Variants in TAF2 observed in about 807,000 individuals in gnomAD.
TAF2 encodes transcription initiation factor TFIID subunit 2.
Under a neutral mutation model 138.5 loss-of-function variants are expected in TAF2, and 61 were observed. The observed-to-expected ratio is 0.44, with a 90% CI of 0.36 to 0.54. The LOEUF is 0.54. TAF2 is among the 20% of genes least tolerant of loss of function. The pLI is 0.00. For missense variants in TAF2, 1,090 were observed against 1,427.9 expected, an observed-to-expected ratio of 0.76 and a Z score of 3.81; for synonymous variants, 475 against 469.9, an observed-to-expected ratio of 1.01 and a Z score of -0.14.
chr8:119,818,920 A>G (rs1417899120), intron 3 of TAF2, among the ~76,000 whole-genome samples: 2 of 152,168 alleles, frequency 1.3e-5, no homozygotes, highest in African/African-American at 4.8e-5. Context: ...TGTTTATAAG[A>G]TAGTTTAATG....
At chr8:119,811,078 T>C (rs992862622) in intron 3 of TAF2, among the ~76,000 whole-genome samples, 2 of 152,180 alleles carry the variant, frequency 1.3e-5, no homozygotes, top group Non-Finnish European at 2.9e-5. Flanking sequence ...TAATAATGAC[T>C]ACAAAATATT....
intron 19 of TAF2, among the ~76,000 whole-genome samples, chr8:119,761,407 TA>T (rs1169133638): frequency 2.0e-5 from 3 of 152,188 alleles, no homozygotes; most frequent in Non-Finnish European, 4.4e-5. Context: ...GCCTAAAGAC[TA>T]ATTTCTCAGA....
intron 2 of TAF2, among the ~76,000 whole-genome samples, chr8:119,820,688 G>C (rs1269419947): frequency 3.3e-5 from 5 of 152,182 alleles, no homozygotes; most frequent in African/African-American, 1.2e-4. Context: ...TGCAAGAATT[G>C]TTTTTAGGTA....
chr8:119,812,739 GTGTGTGTGTGTGTATATA>G (rs1457596899), intron 3 of TAF2, among the ~76,000 whole-genome samples: 6 of 136,868 alleles, frequency 4.4e-5, no homozygotes, highest in East Asian at 2.0e-4. Context: ...GTGTGTGTGT[GTGTGTGTGTGTGTATATA>G]TGTGTGTATA....
intron 2 of TAF2, among the ~76,000 whole-genome samples, chr8:119,825,841 C>G (rs994723746): frequency 7.2e-6 from 1 of 139,116 alleles, no homozygotes; most frequent in Non-Finnish European, 1.5e-5. Context: ...CCCACCGCCA[C>G]GCCTGGCTAA....
intron 16 of TAF2, among the ~76,000 whole-genome samples, chr8:119,782,070 T>C (rs1013510356): frequency 3.3e-5 from 5 of 152,226 alleles, no homozygotes; most frequent in African/African-American, 4.8e-5. Flanking sequence ...AAAATATGTA[T>C]GCAAAAGACT....
In TAF2 at chr8:119,760,640, AT is replaced by A; in HGVS notation, c.2656del (p.Ile886LeufsTer3). The A allele has an allele frequency of 6.2e-7, 1 of 1,613,914 alleles. No individual in the cohort carries two copies. Among genetic ancestry groups the A allele is most frequent in the East Asian group, 2.2e-5 (1 of 44,852 alleles). ...SYAEYGHFVD[I>X]RIAALEAVVD... ...AACTGCTTCCAAAGCTGCTATCCTA[AT>A]GTCCACAAAGTGGCCATATTCAGCA... On this transcript the variant is annotated frameshift_variant, in exon 20 of 26. Transcript: ENST00000378164. LOFTEE classifies it high-confidence loss of function.
At chr8:119,790,973 A>T (rs541116191) in intron 11 of TAF2, among the ~76,000 whole-genome samples, 3 of 138,154 alleles carry the variant, frequency 2.2e-5, no homozygotes, top group African/African-American at 5.0e-5. Flanking sequence ...AGTAATAAAA[A>T]TTTTTTTGAG....
At chr8:119,822,755 C>A (rs1340232855) in intron 2 of TAF2, among the ~76,000 whole-genome samples, 1 of 152,134 alleles carries the variant, frequency 6.6e-6, no homozygotes, top group South Asian at 2.1e-4. Context: ...CTCCTCACCC[C>A]TCTCATTACT....
At chr8:119,762,288 G>A (rs1821116721) in intron 19 of TAF2, 127 bp downstream of exon 19, 1 of 871,596 alleles carries the variant, frequency 1.1e-6, no homozygotes, top group Non-Finnish European at 1.8e-6. Flanking sequence ...TCTGTGGGTG[G>A]TAGAATCATA....
intron 10 of TAF2, among the ~76,000 whole-genome samples, chr8:119,793,102 A>C (rs1271312969): frequency 6.6e-6 from 1 of 152,154 alleles, no homozygotes; most frequent in East Asian, 1.9e-4. Flanking sequence ...CCATTTAAAA[A>C]AAATTAAAAA....
intron 25 of TAF2, among the ~76,000 whole-genome samples, chr8:119,737,471 T>G (rs751289811): frequency 1.3e-5 from 2 of 151,710 alleles, no homozygotes; most frequent in Non-Finnish European, 2.9e-5. Flanking sequence ...TCTGACTACT[T>G]TACAGTTCTC....
intron 25 of TAF2, among the ~76,000 whole-genome samples, chr8:119,740,792 T>C (rs1303251669): frequency 6.6e-6 from 1 of 151,890 alleles, no homozygotes; most frequent in Non-Finnish European, 1.5e-5. Context: ...ATTTGTAAAA[T>C]GAAGGTTTTC....
intron 19 of TAF2, 131 bp downstream of exon 19, chr8:119,762,284 G>A: frequency 2.4e-6 from 2 of 817,476 alleles, no homozygotes; most frequent in Non-Finnish European, 3.8e-6. Context: ...TTTATCTGTG[G>A]GTGGTAGAAT....
At chr8:119,781,018 T>C (rs1468997400) in intron 17 of TAF2, 35 bp downstream of exon 17, 1 of 1,593,880 alleles carries the variant, frequency 6.3e-7, no homozygotes, top group Admixed American at 1.7e-5. Flanking sequence ...CTGAAATATA[T>C]AAAAACCATG....
intron 25 of TAF2, among the ~76,000 whole-genome samples, chr8:119,738,649 GC>G (rs1819391617): frequency 6.6e-6 from 1 of 152,092 alleles, no homozygotes; most frequent in African/African-American, 2.4e-5. Context: ...CAAACAAAAT[GC>G]ACCATGGATA....
chr8:119,828,592 C>T (rs952394784), intron 2 of TAF2, among the ~76,000 whole-genome samples: 3 of 152,114 alleles, frequency 2.0e-5, no homozygotes, highest in Non-Finnish European at 4.4e-5. Context: ...GAAATGTCAG[C>T]AGAAGGAAAA....
intron 3 of TAF2, among the ~76,000 whole-genome samples, chr8:119,816,050 CT>C (rs770573593): frequency 2.4e-3 from 315 of 133,898 alleles, no homozygotes; most frequent in Admixed American, 3.5e-3. Flanking sequence ...CACACTCTTT[CT>C]TTTTTTTTTT....
chr8:119,750,899 A>T (rs1820306083), intron 22 of TAF2, among the ~76,000 whole-genome samples: 3 of 152,280 alleles, frequency 2.0e-5, no homozygotes, highest in Non-Finnish European at 2.9e-5. Context: ...TCATTCTTAT[A>T]GTAATATGCC....
Sources: allele counts gnomAD v4.1 joint callset (sites outside exome capture counted in the v4.1 genomes callset), GRCh38; gene constraint gnomAD v4.1.1; transcripts MANE v1.5; gene names NCBI Gene and HGNC (gene_info 2026-07-23, HGNC 2026-07-21).